Variants in DLG2 observed in about 807,000 individuals in gnomAD.
DLG2 encodes disks large homolog 2.
DLG2 carries 45 observed loss-of-function variants against 132.5 expected under a neutral mutation model. That is an observed-to-expected ratio of 0.34 (90% confidence interval 0.27 to 0.44). DLG2 has a LOEUF of 0.44. Ranked by LOEUF, DLG2 falls within the 20% of genes least tolerant of loss-of-function variation. DLG2 has a pLI of 1.00. For missense variants in DLG2, 1,045 were observed against 1,196.9 expected, an observed-to-expected ratio of 0.87 and a Z score of 1.87; for synonymous variants, 424 against 419.6, an observed-to-expected ratio of 1.01 and a Z score of -0.13.
chr11:84,166,300 G>A (rs1034693503), intron 8 of DLG2, among the ~76,000 whole-genome samples: 3 of 151,972 alleles, frequency 2.0e-5, no homozygotes, highest in African/African-American at 7.2e-5. Flanking sequence ...TCAGGAGATC[G>A]ATAACATCCT....
chr11:84,311,777 T>C (rs1375495623), intron 7 of DLG2, among the ~76,000 whole-genome samples: 2 of 152,168 alleles, frequency 1.3e-5, no homozygotes, highest in African/African-American at 4.8e-5. Context: ...TCTCCAGGCA[T>C]CTCTTTTAAT....
intron 6 of DLG2, among the ~76,000 whole-genome samples, chr11:84,587,918 G>A (rs1341597051): frequency 6.6e-6 from 1 of 152,134 alleles, no homozygotes; most frequent in East Asian, 1.9e-4. Context: ...CAGCTCACCT[G>A]AACCATGGTG....
At chr11:84,451,272 C>CA (rs2099050849) in intron 7 of DLG2, among the ~76,000 whole-genome samples, 2 of 151,858 alleles carry the variant, frequency 1.3e-5, no homozygotes, top group African/African-American at 4.8e-5. Flanking sequence ...AAATTAATGT[C>CA]TTAGAAATTT....
intron 7 of DLG2, among the ~76,000 whole-genome samples, chr11:84,387,566 T>G (rs2098775832): frequency 6.6e-6 from 1 of 152,108 alleles, no homozygotes; most frequent in South Asian, 2.1e-4. Context: ...AGTAGGCCTT[T>G]TGCTAGGTGT....
intron 17 of DLG2, chr11:83,790,946 G>C (rs180801405): frequency 1.1e-6 from 1 of 951,478 alleles, no homozygotes; most frequent in Non-Finnish European, 1.6e-6. Context: ...GTCCAATAAC[G>C]ACAGGCACAT....
chr11:83,922,276 T>C (rs2078102351), intron 15 of DLG2, among the ~76,000 whole-genome samples: 1 of 152,152 alleles, frequency 6.6e-6, no homozygotes, highest in Non-Finnish European at 1.5e-5. Flanking sequence ...CAGATTGCAT[T>C]GCAGAGGAAA....
chr11:83,818,447 A>T (rs2049740029), intron 17 of DLG2, among the ~76,000 whole-genome samples: 3 of 152,110 alleles, frequency 2.0e-5, no homozygotes, highest in Admixed American at 6.6e-5. Flanking sequence ...GCCTCACTGT[A>T]CTTTTCTTAT....
At chr11:84,166,850 C>T in intron 8 of DLG2, 9 of 513,020 alleles carry the variant, frequency 1.8e-5, no homozygotes, top group Non-Finnish European at 3.2e-5. Context: ...TATAATATTC[C>T]CAATCAGGTT....
intron 3 of DLG2, among the ~76,000 whole-genome samples, chr11:85,368,393 T>G (rs1261706551): frequency 6.6e-6 from 1 of 152,222 alleles, no homozygotes; most frequent in Non-Finnish European, 1.5e-5. Context: ...TGTTCAGGTC[T>G]AAATCTTTGA....
At chr11:83,785,062 A>AT (rs11383027) in intron 18 of DLG2, among the ~76,000 whole-genome samples, 34,797 of 150,016 alleles carry the variant, frequency 0.23, 4,415 homozygotes, top group African/African-American at 0.33. Context: ...ATGGATACTT[A>AT]TTTTTTTTTT....
At chr11:85,134,528 CAAAAAAAAA>C (rs58266385) in intron 5 of DLG2, among the ~76,000 whole-genome samples, 7 of 34,948 alleles carry the variant, frequency 2.0e-4, no homozygotes, top group African/African-American at 5.9e-4. Flanking sequence ...GACTCCGTCT[CAAAAAAAAA>C]AAAAAAAAAA....
intron 3 of DLG2, among the ~76,000 whole-genome samples, chr11:85,494,644 T>C (rs867634307): frequency 1.3e-5 from 2 of 151,754 alleles, no homozygotes; most frequent in Admixed American, 6.6e-5. Context: ...CTTCCCTGTG[T>C]TTTATCTTTA....
At chr11:85,168,356 A>C (rs2078609589) in intron 4 of DLG2, among the ~76,000 whole-genome samples, 1 of 152,158 alleles carries the variant, frequency 6.6e-6, no homozygotes, top group Non-Finnish European at 1.5e-5. Context: ...TCCTTTAAGA[A>C]ATGTAGAGTG....
rs1453331503 is a variant in DLG2, at chr11:84,080,993, A to T, written c.749+17930T>A. Among the ~76,000 whole-genome samples the T allele has an allele frequency of 7.6e-3, 3 of 394 alleles. No homozygotes were observed. The Admixed American group carries it at 0.079, about 10-fold the overall frequency. 0.3% of individuals were successfully genotyped at this position (394 alleles called of 152,430 possible). A position where few individuals can be genotyped will look rare whatever the true frequency, so the allele number is the denominator to read the frequency against. ...CACGACAAGAGCAAAACTCTGTCTC[A>T]AAAAAAAAAAAAAAGGCATTTTTGC... On this transcript the variant is annotated intron_variant, in intron 10 of 27. Transcript: ENST00000376104.
intron 3 of DLG2, among the ~76,000 whole-genome samples, chr11:85,447,493 C>G (rs1306268681): frequency 1.3e-5 from 2 of 152,038 alleles, no homozygotes; most frequent in Non-Finnish European, 2.9e-5. Context: ...TATGACAATA[C>G]AAGGGGAAGA....
intron 6 of DLG2, among the ~76,000 whole-genome samples, chr11:84,650,871 GTGTATA>G (rs1158998153): frequency 1.5e-4 from 19 of 124,648 alleles, no homozygotes; most frequent in African/African-American, 6.0e-4. Flanking sequence ...GTGTGTGTGT[GTGTATA>G]TATATATATA....
intron 14 of DLG2, among the ~76,000 whole-genome samples, chr11:83,934,517 G>GACA (rs199913653): frequency 1.3e-5 from 2 of 151,056 alleles, no homozygotes; most frequent in African/African-American, 4.9e-5. Context: ...CTGTATCAGA[G>GACA]ATAATGTTTA....
intron 8 of DLG2, among the ~76,000 whole-genome samples, chr11:84,198,100 G>C (rs1298754676): frequency 6.6e-6 from 1 of 152,038 alleles, no homozygotes; most frequent in Non-Finnish European, 1.5e-5. Flanking sequence ...TATAAATACA[G>C]GTATAGATAT....
intron 3 of DLG2, among the ~76,000 whole-genome samples, chr11:85,475,200 A>G (rs1454839222): frequency 1.3e-5 from 2 of 151,838 alleles, no homozygotes; most frequent in Non-Finnish European, 2.9e-5. Flanking sequence ...AAATAAATAG[A>G]TTTAAACTTA....
Sources: allele counts gnomAD v4.1 joint callset (sites outside exome capture counted in the v4.1 genomes callset), GRCh38; gene constraint gnomAD v4.1.1; transcripts MANE v1.5; gene names NCBI Gene and HGNC (gene_info 2026-07-23, HGNC 2026-07-21).